The following DNAH7 variants were observed in gnomAD, a reference collection of about 807,000 sequenced individuals.
DNAH7 encodes the protein dynein axonemal heavy chain 7.
A neutral mutation model predicts 444.6 loss-of-function variants in DNAH7; 397 were observed. That is an observed-to-expected ratio of 0.89 (90% CI 0.82 to 0.97). The LOEUF (loss-of-function observed/expected upper bound fraction) is 0.97. DNAH7 is among the 50% of genes least tolerant of loss of function. The pLI, the probability that DNAH7 is intolerant of heterozygous loss-of-function variation, is 0.00. For synonymous variants in DNAH7, 1,636 were observed against 1,624.4 expected (o/e 1.01, Z -0.17); for missense variants, 4,902 against 4,800.8 (o/e 1.02, Z -0.62).
chr2:195,739,982 T>G (rs1278518825), intron 64 of DNAH7, among the ~76,000 whole-genome samples: 1 of 152,100 alleles, frequency 6.6e-6, no homozygotes, highest in East Asian at 1.9e-4. Context: ...GTGCTGTTTT[T>G]TTGTTTTGTT....
At chr2:195,820,041 G>GA (rs968021068) in intron 49 of DNAH7, among the ~76,000 whole-genome samples, 10 of 152,156 alleles carry the variant, frequency 6.6e-5, no homozygotes, top group African/African-American at 2.4e-5. Context: ...ACGTTTAGAG[G>GA]AATCTATTCT....
chr2:195,964,143 C>T (rs1691302164), intron 17 of DNAH7, among the ~76,000 whole-genome samples: 1 of 151,528 alleles, frequency 6.6e-6, no homozygotes, highest in African/African-American at 2.4e-5. Context: ...GGGCAGGAGA[C>T]AAAAAAAATT....
chr2:195,835,161 T>C (rs1412840413), intron 47 of DNAH7, among the ~76,000 whole-genome samples: 3 of 152,138 alleles, frequency 2.0e-5, no homozygotes, highest in Admixed American at 6.5e-5. Flanking sequence ...ACAAAATCAC[T>C]ATTCTTTCTC....
intron 1 of DNAH7, among the ~76,000 whole-genome samples, chr2:196,064,216 G>A (rs1283430330): frequency 6.6e-6 from 1 of 151,856 alleles, no homozygotes; most frequent in Non-Finnish European, 1.5e-5. Flanking sequence ...TCAGGAGGCT[G>A]AGGCAGGAGA....
intron 61 of DNAH7, among the ~76,000 whole-genome samples, chr2:195,757,368 T>C (rs935110235): frequency 6.6e-6 from 1 of 152,222 alleles, no homozygotes; most frequent in Non-Finnish European, 1.5e-5. Context: ...ATTTCCCATT[T>C]TGAATGACTG....
At chr2:195,771,082 G>A (rs1694814894) in intron 61 of DNAH7, among the ~76,000 whole-genome samples, 1 of 152,006 alleles carries the variant, frequency 6.6e-6, no homozygotes, top group Non-Finnish European at 1.5e-5. Context: ...TGCACTTTGG[G>A]AGGCCAAGGC....
At chr2:195,925,140 T>C (rs1343212756) in intron 22 of DNAH7, among the ~76,000 whole-genome samples, 2 of 105,372 alleles carry the variant, frequency 1.9e-5, no homozygotes, top group Non-Finnish European at 4.0e-5. Flanking sequence ...TCTTTTTTTA[T>C]TTTTTTTTTT....
chr2:195,769,114 T>C (rs1173154917), intron 61 of DNAH7, among the ~76,000 whole-genome samples: 1 of 152,190 alleles, frequency 6.6e-6, no homozygotes, highest in Non-Finnish European at 1.5e-5. Flanking sequence ...TAGTGAAATA[T>C]GAAGAGAATG....
In DNAH7 at chr2:195,864,333, T is replaced by C; in HGVS notation, c.7322A>G (p.Asp2441Gly). ...QEICDKMRQL[D>G]RQRDKTKQTD... is the part of the protein sequence containing the mutation. ...TTGCTTGGTTTTATCCCGCTGGCGA[T>C]CTAACTGACGCATCTTATCACATAT... is the stretch of plus-strand genomic sequence containing the variant. The change falls in exon 41 of 65, where the codon GAT (aspartate) becomes GGT (glycine). Residue 2441 changes from aspartate to glycine, a missense_variant. Coordinates refer to ENST00000312428, the MANE Select transcript of DNAH7 (RefSeq NM_018897.3). 5 of 1,614,164 alleles carry C rather than the reference T, an allele frequency of 3.1e-6. No individual in the cohort carries two copies. The highest frequency in any genetic ancestry group is 4.2e-6 in the Non-Finnish European group (5 of 1,180,042).
chr2:195,867,037 T>A (rs1574611695), intron 40 of DNAH7, among the ~76,000 whole-genome samples: 1 of 152,096 alleles, frequency 6.6e-6, no homozygotes, highest in East Asian at 1.9e-4. Context: ...TGTGGAACTG[T>A]AAGTCCAATA....
At chr2:195,782,526 T>A (rs968528670) in intron 58 of DNAH7, among the ~76,000 whole-genome samples, 8 of 152,200 alleles carry the variant, frequency 5.3e-5, no homozygotes, top group African/African-American at 1.9e-4. Context: ...TTAATACATT[T>A]AAATATCATA....
chr2:196,036,638 C>T (rs1028830916), intron 5 of DNAH7, among the ~76,000 whole-genome samples: 1 of 152,166 alleles, frequency 6.6e-6, no homozygotes. Context: ...GACCAGCCTG[C>T]CCACCCCACT....
chr2:195,971,181 TAGAA>T (rs1691814834), intron 16 of DNAH7, among the ~76,000 whole-genome samples: 1 of 152,218 alleles, frequency 6.6e-6, no homozygotes, highest in African/African-American at 2.4e-5. Context: ...TATAATGTAA[TAGAA>T]AGAAAGCATG....
intron 5 of DNAH7, among the ~76,000 whole-genome samples, chr2:196,032,085 G>T (rs1005251388): frequency 1.3e-5 from 2 of 152,180 alleles, no homozygotes; most frequent in African/African-American, 2.4e-5. Context: ...GGTTGGGGGG[G>T]TCTCACAATC....
At chr2:195,832,251 A>AGAT (rs1207485261) in intron 48 of DNAH7, among the ~76,000 whole-genome samples, 1 of 152,182 alleles carries the variant, frequency 6.6e-6, no homozygotes, top group African/African-American at 2.4e-5. Context: ...TGTGTCTAAA[A>AGAT]TTATGGAATT....
At chr2:195,805,192 A>G (rs575667505) in intron 54 of DNAH7, among the ~76,000 whole-genome samples, 1 of 152,326 alleles carries the variant, frequency 6.6e-6, no homozygotes, top group East Asian at 1.9e-4. Flanking sequence ...TGCAGACAAA[A>G]CTGCTGCAAT....
intron 34 of DNAH7, 38 bp from the exon 35 acceptor site, chr2:195,884,847 GA>G: frequency 6.5e-7 from 1 of 1,531,736 alleles, no homozygotes. Flanking sequence ...AACAATTAAA[GA>G]ATAATTTTAA....
intron 58 of DNAH7, among the ~76,000 whole-genome samples, chr2:195,780,879 G>A (rs1435037868): frequency 6.6e-6 from 1 of 151,944 alleles, no homozygotes; most frequent in Admixed American, 6.6e-5. Flanking sequence ...AATCTAAAGT[G>A]CATAGATCTG....
At chr2:195,785,112 C>T (rs1335149416) in intron 58 of DNAH7, among the ~76,000 whole-genome samples, 4 of 152,024 alleles carry the variant, frequency 2.6e-5, no homozygotes, top group South Asian at 2.1e-4. Flanking sequence ...GGGGTTTCAC[C>T]GTGTTAGTCA....
Sources: gnomAD v4.1 joint callset for allele counts (sites outside exome capture counted in the v4.1 genomes callset) on GRCh38, gnomAD v4.1.1 for gene constraint, MANE v1.5 for transcripts, NCBI Gene and HGNC (gene_info 2026-07-23, HGNC 2026-07-21) for gene names.